The following NRXN3 variants were observed in gnomAD, a reference collection of about 807,000 sequenced individuals.
NRXN3 encodes the protein neurexin 3.
A neutral mutation model predicts 137.6 loss-of-function variants in NRXN3; 32 were observed. The ratio of observed to expected loss-of-function variants is 0.23; its 90% CI spans 0.18 to 0.31. NRXN3 has a LOEUF of 0.31. Among genes scored for constraint, NRXN3 ranks in the 10% least tolerant of loss-of-function variants. The probability of loss-of-function intolerance (pLI) is 1.00; values close to 1 mark genes in which losing one functional copy is unlikely to be tolerated. For synonymous variants in NRXN3, 798 were observed against 784.5 expected (o/e 1.02, Z -0.29); for missense variants, 1,574 against 2,062.5 (o/e 0.76, Z 4.59).
Position 78,523,618 on chromosome 14 carries a change from T to C in NRXN3, c.758-121502T>C, listed in dbSNP as rs1180486859. Among the ~76,000 whole-genome samples the C allele has an allele frequency of 4.1e-5, 5 of 121,282 alleles. No homozygotes were observed. The South Asian group carries it at 1.0e-3, about 25-fold the overall frequency. The allele number at this position is 121,282 out of a possible 152,430, so 79.6% of individuals were successfully genotyped here. ...ATTGAGACCATCCTGGCTAACACGG[T>C]GAAACCCCGTCTCTACTACAAATAC... On this transcript the variant is annotated intron_variant, in intron 4 of 20. Transcript: ENST00000335750.
At chr14:78,903,440 C>T (rs1031992758) in intron 10 of NRXN3, among the ~76,000 whole-genome samples, 2 of 152,038 alleles carry the variant, frequency 1.3e-5, no homozygotes, top group Non-Finnish European at 2.9e-5. Context: ...CTGCGTCTGA[C>T]TGAAGTTTCA....
chr14:78,950,803 C>T (rs2099385697), intron 10 of NRXN3, among the ~76,000 whole-genome samples: 1 of 152,226 alleles, frequency 6.6e-6, no homozygotes, highest in East Asian at 1.9e-4. Context: ...AACTTTGATT[C>T]ATACGTCTCA....
At chr14:79,428,609 T>G (rs142259775) in intron 15 of NRXN3, among the ~76,000 whole-genome samples, 2 of 152,268 alleles carry the variant, frequency 1.3e-5, no homozygotes, top group East Asian at 3.9e-4. Flanking sequence ...CATATATAAG[T>G]GTAACACTTT....
chr14:79,365,206 T>C lies in NRXN3; in HGVS notation c.3263-102015T>C, dbSNP rs543744299. On this transcript the variant is annotated intron_variant, in intron 15 of 20. Coordinates refer to ENST00000335750, the MANE Select transcript of NRXN3 (RefSeq NM_001330195.2). ...GAGTTCTGTACAACAGAGTGATTGA[T>C]TTCTCGGTTTGCATTTCTTGGCATC... 7.2e-5 allele frequency among the ~76,000 whole-genome samples: 11 copies of C among 152,252 alleles called. No individual in the cohort carries two copies. In the East Asian group the frequency reaches 1.9e-3, roughly 27 times the overall value.
At chr14:79,549,788 GC>G (rs1442317288) in intron 16 of NRXN3, among the ~76,000 whole-genome samples, 2 of 152,018 alleles carry the variant, frequency 1.3e-5, no homozygotes, top group Non-Finnish European at 2.9e-5. Flanking sequence ...CTATTTAGTG[GC>G]CCAGCAAATC....
At chr14:79,769,925 G>A (rs1475510572) in intron 19 of NRXN3, among the ~76,000 whole-genome samples, 3 of 152,076 alleles carry the variant, frequency 2.0e-5, no homozygotes, top group Admixed American at 1.3e-4. Flanking sequence ...AAGGATGGAG[G>A]AAGATCTACC....
chr14:78,748,559 G>A (rs2098624916), intron 8 of NRXN3, among the ~76,000 whole-genome samples: 1 of 152,112 alleles, frequency 6.6e-6, no homozygotes, highest in East Asian at 1.9e-4. Flanking sequence ...AATTGCAGTG[G>A]TCAGATGGGA....
At chr14:79,769,920 T>G (rs1422671441) in intron 19 of NRXN3, among the ~76,000 whole-genome samples, 1 of 151,798 alleles carries the variant, frequency 6.6e-6, no homozygotes, top group Admixed American at 6.6e-5. Context: ...AATAAAAGGA[T>G]GGAGGAAGAT....
intron 15 of NRXN3, among the ~76,000 whole-genome samples, chr14:79,448,268 A>G (rs904533115): frequency 2.0e-5 from 3 of 152,100 alleles, no homozygotes; most frequent in Admixed American, 1.3e-4. Context: ...CACTCAGATT[A>G]CTATTGCTGT....
chr14:79,087,373 C>T (rs1195912677), intron 15 of NRXN3, among the ~76,000 whole-genome samples: 5 of 152,070 alleles, frequency 3.3e-5, no homozygotes, highest in South Asian at 2.1e-4. Context: ...CTGCCATCCC[C>T]GGTGGAGTCA....
intron 5 of NRXN3, among the ~76,000 whole-genome samples, chr14:78,645,831 CT>C (rs2152575691): frequency 6.6e-6 from 1 of 152,086 alleles, no homozygotes; most frequent in Non-Finnish European, 1.5e-5. Flanking sequence ...ATATGTTTTT[CT>C]TTTTAATTAA....
At chr14:79,423,052 G>A (rs1472566527) in intron 15 of NRXN3, among the ~76,000 whole-genome samples, 1 of 152,094 alleles carries the variant, frequency 6.6e-6, no homozygotes, top group Non-Finnish European at 1.5e-5. Flanking sequence ...AGAATGGTAT[G>A]GAGAAGGGCT....
At chr14:79,152,833 T>C (rs1198899624) in intron 15 of NRXN3, among the ~76,000 whole-genome samples, 1 of 152,008 alleles carries the variant, frequency 6.6e-6, no homozygotes, top group African/African-American at 2.4e-5. Flanking sequence ...CACAATTTTA[T>C]GTGTTTGTGA....
intron 20 of NRXN3, among the ~76,000 whole-genome samples, chr14:79,820,154 C>T (rs2099267074): frequency 6.6e-6 from 1 of 152,170 alleles, no homozygotes; most frequent in Non-Finnish European, 1.5e-5. Flanking sequence ...TCTTCTTTCC[C>T]TGTACTCTTT....
chr14:79,653,425 T>A (rs2098486551), intron 16 of NRXN3, among the ~76,000 whole-genome samples: 1 of 152,194 alleles, frequency 6.6e-6, no homozygotes. Context: ...TTCACTCCCA[T>A]AGAACTAGAT....
intron 6 of NRXN3, among the ~76,000 whole-genome samples, chr14:78,707,590 G>T (rs2098365920): frequency 6.6e-6 from 1 of 152,138 alleles, no homozygotes; most frequent in African/African-American, 2.4e-5. Flanking sequence ...TTGGGGTTCA[G>T]GTGGTGTTTG....
intron 4 of NRXN3, among the ~76,000 whole-genome samples, chr14:78,378,008 C>T (rs1032891225): frequency 1.3e-5 from 2 of 152,164 alleles, no homozygotes; most frequent in Admixed American, 6.5e-5. Context: ...CCAAGATAGA[C>T]CACATCCTGG....
intron 15 of NRXN3, among the ~76,000 whole-genome samples, chr14:79,166,734 T>C (rs1377551724): frequency 6.6e-6 from 1 of 151,816 alleles, no homozygotes; most frequent in Non-Finnish European, 1.5e-5. Flanking sequence ...AAGCCAGATA[T>C]CCCTGTATTT....
intron 16 of NRXN3, among the ~76,000 whole-genome samples, chr14:79,498,838 G>A (rs1295051178): frequency 6.6e-6 from 1 of 152,194 alleles, no homozygotes; most frequent in East Asian, 1.9e-4. Flanking sequence ...ATGCTGGAGT[G>A]CAGTGGCACA....
Sources: gnomAD v4.1 joint callset for allele counts (sites outside exome capture counted in the v4.1 genomes callset) on GRCh38, gnomAD v4.1.1 for gene constraint, MANE v1.5 for transcripts, NCBI Gene and HGNC (gene_info 2026-07-23, HGNC 2026-07-21) for gene names.